Variants in CHD1L observed in about 807,000 individuals in gnomAD.
CHD1L encodes the protein chromodomain helicase DNA binding protein 1 like.
In CHD1L, 118 loss-of-function variants were observed where a neutral mutation model predicts 115.9. The observed-to-expected ratio is 1.02, with a 90% CI of 0.88 to 1.19. The LOEUF is 1.19. CHD1L is among the 50% of genes most tolerant of loss of function. The probability of loss-of-function intolerance (pLI) is 0.00; values close to 1 mark genes in which losing one functional copy is unlikely to be tolerated. For missense variants in CHD1L, 1,179 were observed against 1,065.3 expected, an observed-to-expected ratio of 1.11 and a Z score of -1.49; for synonymous variants, 411 against 387.1, an observed-to-expected ratio of 1.06 and a Z score of -0.72.
At chr1:147,189,564 A>G in the CHD1L span, among the ~76,000 whole-genome samples, 1 of 152,186 alleles carries the variant, frequency 6.6e-6, no homozygotes, top group South Asian at 2.1e-4. Context: ...GAGACTTACC[A>G]TCAATTTCCA....
the CHD1L span, chr1:147,178,793 T>C: frequency 6.2e-7 from 1 of 1,604,926 alleles, no homozygotes; most frequent in Non-Finnish European, 8.5e-7. Context: ...GTGCAAAAAA[T>C]GACCAGTGGC....
chr1:147,191,474 A>C, the CHD1L span, among the ~76,000 whole-genome samples: 1 of 152,078 alleles, frequency 6.6e-6, no homozygotes, highest in Non-Finnish European at 1.5e-5. Flanking sequence ...TGGCTGCATA[A>C]ATGTCTTCTT....
At chr1:147,249,812 C>G (rs1216815795) in intron 1 of CHD1L, among the ~76,000 whole-genome samples, 4 of 152,154 alleles carry the variant, frequency 2.6e-5, no homozygotes, top group South Asian at 4.1e-4. Context: ...CAGCCCTATC[C>G]TCCTTCACCT....
the CHD1L span, chr1:147,186,760 G>C: frequency 6.9e-7 from 1 of 1,451,126 alleles, no homozygotes. Flanking sequence ...GTAGGAAAAA[G>C]GAAAGTGAAT....
At chr1:147,256,608 A>T (rs1553940760) in intron 5 of CHD1L, 46 bp downstream of exon 5, 2 of 1,555,526 alleles carry the variant, frequency 1.3e-6, no homozygotes, top group South Asian at 2.2e-5. Context: ...ATGTATTATG[A>T]ATGTCATGTC....
chr1:147,178,217 T>A, the CHD1L span: 5 of 1,613,484 alleles, frequency 3.1e-6, no homozygotes, highest in Non-Finnish European at 4.2e-6. Flanking sequence ...GACGACAACT[T>A]GGAGAGTCGC....
chr1:147,265,126 G>A (rs1673372660), intron 7 of CHD1L, among the ~76,000 whole-genome samples: 1 of 150,154 alleles, frequency 6.7e-6, no homozygotes, highest in Non-Finnish European at 1.5e-5. Flanking sequence ...ATTATCCTGG[G>A]ATGATTTTTC....
the CHD1L span, among the ~76,000 whole-genome samples, chr1:147,191,870 A>G: frequency 6.6e-6 from 1 of 152,088 alleles, no homozygotes; most frequent in Non-Finnish European, 1.5e-5. Flanking sequence ...ATTGATCTAT[A>G]TCTCCCTTTT....
chr1:147,216,975 T>C, the CHD1L span, among the ~76,000 whole-genome samples: 1 of 151,812 alleles, frequency 6.6e-6, no homozygotes, highest in African/African-American at 2.4e-5. Flanking sequence ...GCGTGGTGGC[T>C]CATGCCTGTA....
At chr1:147,178,782 A>G in the CHD1L span, 227 of 1,604,444 alleles carry the variant, frequency 1.4e-4, no homozygotes, top group Admixed American at 2.7e-4. Context: ...TGGCATATAC[A>G]GTGCAAAAAA....
chr1:147,201,475 T>G, the CHD1L span: 1 of 1,613,988 alleles, frequency 6.2e-7, no homozygotes, highest in Non-Finnish European at 8.5e-7. Context: ...TGGCAGGTCA[T>G]CATTTAAGGT....
chr1:147,234,110 A>G, the CHD1L span, among the ~76,000 whole-genome samples: 1 of 152,146 alleles, frequency 6.6e-6, no homozygotes, highest in African/African-American at 2.4e-5. Context: ...TAAATAAATA[A>G]ATGCTAAACC....
At chr1:147,204,340 T>C in the CHD1L span, 1 of 991,300 alleles carries the variant, frequency 1.0e-6, no homozygotes, top group Non-Finnish European at 1.6e-6. Flanking sequence ...GTTATCAACT[T>C]TGAAATGGCC....
At chr1:147,179,572 C>T in the CHD1L span, 8 of 1,587,132 alleles carry the variant, frequency 5.0e-6, no homozygotes, top group Non-Finnish European at 6.9e-6. Flanking sequence ...GCTACAAACC[C>T]CCCTGTAATT....
At chr1:147,194,445 T>C in the CHD1L span, among the ~76,000 whole-genome samples, 1 of 152,290 alleles carries the variant, frequency 6.6e-6, no homozygotes, top group East Asian at 1.9e-4. Context: ...CACTGTTGGG[T>C]CTTGACTCTT....
chr1:147,238,492 A>C (rs1427017101), upstream of CHD1L, among the ~76,000 whole-genome samples: 1 of 152,228 alleles, frequency 6.6e-6, no homozygotes. Flanking sequence ...AATCTTATGG[A>C]GTTGCTGTTG....
At chr1:147,225,168 T>C in the CHD1L span, 10 of 1,516,414 alleles carry the variant, frequency 6.6e-6, no homozygotes, top group Non-Finnish European at 8.8e-7. Flanking sequence ...AAGAGGTGTC[T>C]TGAGGAGGAC....
the CHD1L span, among the ~76,000 whole-genome samples, chr1:147,192,380 G>A: frequency 6.6e-6 from 1 of 152,224 alleles, no homozygotes; most frequent in African/African-American, 2.4e-5. Flanking sequence ...AGACTTTGCT[G>A]AAGTTGCTCA....
intron 10 of CHD1L, among the ~76,000 whole-genome samples, chr1:147,270,495 T>C (rs1464516678): frequency 1.4e-5 from 2 of 145,106 alleles, no homozygotes; most frequent in African/African-American, 5.2e-5. Flanking sequence ...CCACAGGCTT[T>C]CTTCAGAGTC....
Sources: gnomAD v4.1 joint callset for allele counts (sites outside exome capture counted in the v4.1 genomes callset) on GRCh38, gnomAD v4.1.1 for gene constraint, MANE v1.5 for transcripts, NCBI Gene and HGNC (gene_info 2026-07-23, HGNC 2026-07-21) for gene names.